CELF4: variants seen among roughly 807,000 people sequenced by gnomAD.
The protein encoded by CELF4 is CUGBP Elav-like family member 4.
A neutral mutation model predicts 59.9 loss-of-function variants in CELF4; 18 were observed. The ratio of observed to expected loss-of-function variants is 0.30; its 90% CI spans 0.21 to 0.45. The LOEUF is 0.45. Among genes scored for constraint, CELF4 ranks in the 20% least tolerant of loss-of-function variants. The pLI, the probability that CELF4 is intolerant of heterozygous loss-of-function variation, is 1.00. For synonymous variants in CELF4, 261 were observed against 267.1 expected (o/e 0.98, Z 0.22); for missense variants, 456 against 689.0 (o/e 0.66, Z 3.79).
chr18:37,323,851 G>T (rs1481098894), intron 2 of CELF4, among the ~76,000 whole-genome samples: 1 of 152,224 alleles, frequency 6.6e-6, no homozygotes, highest in Non-Finnish European at 1.5e-5. Context: ...CTGGGATTCA[G>T]CCAGGATGAG....
intron 2 of CELF4, among the ~76,000 whole-genome samples, chr18:37,410,466 A>G (rs1214592912): frequency 6.6e-6 from 1 of 152,218 alleles, no homozygotes; most frequent in East Asian, 1.9e-4. Flanking sequence ...CACCTGGGCT[A>G]CCAGAACCTC....
At chr18:37,495,147 A>C (rs1316440066) in intron 1 of CELF4, among the ~76,000 whole-genome samples, 2 of 152,188 alleles carry the variant, frequency 1.3e-5, no homozygotes, top group Non-Finnish European at 2.9e-5. Context: ...TGAACCTGGT[A>C]GGGGAGTTTA....
chr18:37,367,929 C>A (rs559462119), intron 2 of CELF4, among the ~76,000 whole-genome samples: 2 of 152,082 alleles, frequency 1.3e-5, no homozygotes, highest in Non-Finnish European at 2.9e-5. Context: ...TAACACCCCC[C>A]ACACCCAGCC....
intron 1 of CELF4, among the ~76,000 whole-genome samples, chr18:37,491,906 A>G (rs1236814068): frequency 1.3e-5 from 2 of 152,196 alleles, no homozygotes; most frequent in Non-Finnish European, 2.9e-5. Flanking sequence ...CAAAGCCCCC[A>G]TGTGCCGGGA....
chr18:37,357,658 C>T (rs568032620), intron 2 of CELF4, among the ~76,000 whole-genome samples: 2 of 152,268 alleles, frequency 1.3e-5, no homozygotes, highest in South Asian at 4.1e-4. Flanking sequence ...GCATAGTGTG[C>T]CTGGAAAAGC....
At chr18:37,287,376 A>C (rs2094899387) in intron 3 of CELF4, among the ~76,000 whole-genome samples, 1 of 152,146 alleles carries the variant, frequency 6.6e-6, no homozygotes, top group Non-Finnish European at 1.5e-5. Context: ...GGCAGCACCC[A>C]CCTTCTATGC....
At chr18:37,327,658 G>C (rs773963757) in intron 2 of CELF4, among the ~76,000 whole-genome samples, 3 of 152,272 alleles carry the variant, frequency 2.0e-5, no homozygotes, top group African/African-American at 7.2e-5. Flanking sequence ...AAAAAGCCAG[G>C]GGGGAGCGGG....
chr18:37,393,551 A>G lies in CELF4; in HGVS notation c.370-71670T>C, dbSNP rs2099193541. ...GTCCTGCAGGGAACTCATTGCTCAC[A>G]GAGGGAGGGCTCTGCCAGCAGCCTG... On this transcript the variant is annotated intron_variant, in intron 2 of 12. Transcript: ENST00000420428. Among the ~76,000 whole-genome samples the G allele has an allele frequency of 2.0e-5, 3 of 152,194 alleles. No individual in the cohort carries two copies. The South Asian group carries it at 6.2e-4, about 31-fold the overall frequency.
intron 2 of CELF4, among the ~76,000 whole-genome samples, chr18:37,394,489 G>C (rs1041997694): frequency 3.3e-5 from 5 of 152,216 alleles, no homozygotes; most frequent in African/African-American, 1.2e-4. Flanking sequence ...AGCGTGTGAT[G>C]AGGCAGCGGC....
intron 2 of CELF4, among the ~76,000 whole-genome samples, chr18:37,390,543 G>A (rs2154576216): frequency 6.6e-6 from 1 of 152,208 alleles, no homozygotes; most frequent in South Asian, 2.1e-4. Context: ...TACTGTCCAG[G>A]TGATGGTGAG....
intron 2 of CELF4, among the ~76,000 whole-genome samples, chr18:37,418,525 A>G (rs1786784): frequency 0.91 from 138,919 of 152,220 alleles, 64,741 homozygotes; most frequent in East Asian, 1. Flanking sequence ...ACAGTGAATG[A>G]CACTTTGGAA....
chr18:37,535,875 G>A (rs889339522), intron 1 of CELF4, among the ~76,000 whole-genome samples: 2 of 152,146 alleles, frequency 1.3e-5, no homozygotes, highest in South Asian at 2.1e-4. Context: ...ACCTTTCCTG[G>A]TCTCTTTTTG....
chr18:37,284,214 TACAC>T (rs888740735), intron 3 of CELF4, among the ~76,000 whole-genome samples: 2 of 147,518 alleles, frequency 1.4e-5, no homozygotes, highest in Admixed American at 6.7e-5. Flanking sequence ...CACACCAACA[TACAC>T]ACACAGATGC....
intron 2 of CELF4, among the ~76,000 whole-genome samples, chr18:37,408,134 T>C (rs1654578739): frequency 6.6e-6 from 1 of 152,174 alleles, no homozygotes; most frequent in Admixed American, 6.5e-5. Context: ...ACCTTTCCTC[T>C]TTCCCACCTC....
intron 1 of CELF4, among the ~76,000 whole-genome samples, chr18:37,509,524 G>A (rs1170055585): frequency 1.3e-5 from 2 of 152,262 alleles, no homozygotes; most frequent in Non-Finnish European, 2.9e-5. Flanking sequence ...AGCAGGCATT[G>A]CATGACACAG....
chr18:37,420,080 AC>A (rs1387838502), intron 2 of CELF4, among the ~76,000 whole-genome samples: 1 of 152,170 alleles, frequency 6.6e-6, no homozygotes, highest in Non-Finnish European at 1.5e-5. Flanking sequence ...GGAAGGGTGG[AC>A]CGAGGCCATC....
At chr18:37,512,976 G>A (rs1448666321) in intron 1 of CELF4, among the ~76,000 whole-genome samples, 1 of 152,180 alleles carries the variant, frequency 6.6e-6, no homozygotes, top group Non-Finnish European at 1.5e-5. Context: ...CTGGAGAATG[G>A]GAATTTTGAG....
At chr18:37,278,762 G>A (rs1265399851) in intron 3 of CELF4, among the ~76,000 whole-genome samples, 1 of 152,172 alleles carries the variant, frequency 6.6e-6, no homozygotes, top group Non-Finnish European at 1.5e-5. Context: ...GAGGGTGAGA[G>A]GAGAAGTCAG....
At chr18:37,418,759 A>C (rs1236668351) in intron 2 of CELF4, among the ~76,000 whole-genome samples, 2 of 152,258 alleles carry the variant, frequency 1.3e-5, no homozygotes, top group African/African-American at 4.8e-5. Context: ...ATCATTGATC[A>C]GTTTTCTAAG....
Sources: gnomAD v4.1 joint callset for allele counts (sites outside exome capture counted in the v4.1 genomes callset) on GRCh38, gnomAD v4.1.1 for gene constraint, MANE v1.5 for transcripts, NCBI Gene and HGNC (gene_info 2026-07-23, HGNC 2026-07-21) for gene names.